DYNC2H1: variants seen among roughly 807,000 people sequenced by gnomAD.
The protein encoded by DYNC2H1 is cytoplasmic dynein 2 heavy chain 1.
In DYNC2H1, 410 loss-of-function variants were observed where a neutral mutation model predicts 570.0. That is an observed-to-expected ratio of 0.72 (90% CI 0.66 to 0.78). DYNC2H1 has a LOEUF of 0.78. DYNC2H1 is among the 30% of genes least tolerant of loss of function. The pLI is 0.00. For missense variants in DYNC2H1, 4,865 were observed against 5,046.4 expected (o/e 0.96, Z 1.09); for synonymous variants, 1,688 against 1,677.6 (o/e 1.01, Z -0.15).
chr11:103,286,614 C>T (rs182996525), intron 74 of DYNC2H1, among the ~76,000 whole-genome samples: 7 of 151,882 alleles, frequency 4.6e-5, no homozygotes, highest in Admixed American at 2.6e-4. Flanking sequence ...GTCTCAGACC[C>T]GAGGGGGATT....
In DYNC2H1 at chr11:103,199,551, C is replaced by T. The variant is rs951941382; in HGVS notation, c.8088+75C>T. On this transcript the variant is annotated intron_variant, in intron 49 of 88. Transcript: ENST00000375735. The surrounding 1 kb of genome is among the most constrained non-coding windows in gnomAD (Gnocchi z 4.6). ...TATTACTCTAAACATCTTTAAAGAC[C>T]TAAAGGTTTAAAGAACTAAAGTTTT... 14 of 1,338,112 alleles carry T rather than the reference C, an allele frequency of 1.0e-5. No homozygotes were observed. The highest frequency in any genetic ancestry group is 1.4e-5 in the Non-Finnish European group (14 of 1,028,486). 82.9% of individuals were successfully genotyped at this position (1,338,112 alleles called of 1,614,324 possible).
Position 103,465,272 on chromosome 11 carries a change from A to T in DYNC2H1, c.12649-3317A>T, listed in dbSNP as rs971305590. ...AAATCCAGTTAAATGTTACTTAAAG[A>T]TATACATTTCAGTCGTGATCACGCA... On this transcript the variant is annotated intron_variant, in intron 87 of 88. Transcript: ENST00000375735. The surrounding 1 kb of genome is among the most constrained non-coding windows in gnomAD (Gnocchi z 4.9). Among the ~76,000 whole-genome samples, 1 of 152,200 alleles carries T rather than the reference A, an allele frequency of 6.6e-6. No homozygotes were observed. Among genetic ancestry groups the T allele is most frequent in the Non-Finnish European group, 1.5e-5 (1 of 68,034 alleles).
chr11:103,137,340 T>G (rs1314771024), intron 17 of DYNC2H1, among the ~76,000 whole-genome samples: 1 of 150,654 alleles, frequency 6.6e-6, no homozygotes, highest in South Asian at 2.1e-4. Context: ...GGTTTTCTTC[T>G]AGGGTTTTTA....
chr11:103,352,056 C>A (rs1464831291), intron 82 of DYNC2H1, among the ~76,000 whole-genome samples: 1 of 151,966 alleles, frequency 6.6e-6, no homozygotes, highest in Non-Finnish European at 1.5e-5. Flanking sequence ...AATCTCATGG[C>A]ATCTTTTAGT....
chr11:103,182,236 T>A (rs1268782851), intron 40 of DYNC2H1, among the ~76,000 whole-genome samples: 1 of 150,504 alleles, frequency 6.6e-6, no homozygotes, highest in Non-Finnish European at 1.5e-5. Flanking sequence ...ATGACATATG[T>A]ATATATAATA....
chr11:103,132,720 G>T (rs1264386479), intron 13 of DYNC2H1, among the ~76,000 whole-genome samples: 2 of 151,710 alleles, frequency 1.3e-5, no homozygotes, highest in Non-Finnish European at 2.9e-5. Flanking sequence ...TGGAGCATTT[G>T]TACACTGATT....
At chr11:103,466,619 G>A (rs566227134) in intron 87 of DYNC2H1, among the ~76,000 whole-genome samples, 198 of 152,274 alleles carry the variant, frequency 1.3e-3, no homozygotes, top group African/African-American at 4.5e-3. Context: ...AGGCAACTTA[G>A]ATGAAGAGGA....
At chr11:103,361,809 G>A (rs1414854045) in intron 83 of DYNC2H1, among the ~76,000 whole-genome samples, 1 of 152,168 alleles carries the variant, frequency 6.6e-6, no homozygotes, top group Non-Finnish European at 1.5e-5. Flanking sequence ...AAAAAGAACT[G>A]AAGACTGTGT....
chr11:103,247,776 A>T (rs1298622121), intron 65 of DYNC2H1, among the ~76,000 whole-genome samples: 2 of 152,028 alleles, frequency 1.3e-5, no homozygotes, highest in Non-Finnish European at 2.9e-5. Flanking sequence ...AAGTGAGCTC[A>T]TTGTACAGAA....
intron 75 of DYNC2H1, among the ~76,000 whole-genome samples, chr11:103,293,008 A>G (rs1260616442): frequency 6.6e-6 from 1 of 152,224 alleles, no homozygotes; most frequent in Non-Finnish European, 1.5e-5. Flanking sequence ...ATTTGTCTGT[A>G]TACTTACTTT....
In DYNC2H1 at chr11:103,177,208, G is replaced by T. The variant is rs190700870; in HGVS notation, c.5875-348G>T. On this transcript the variant is annotated intron_variant, in intron 37 of 88. Transcript: ENST00000375735. The surrounding 1 kb of genome is among the most constrained non-coding windows in gnomAD (Gnocchi z 4.4). ...ACTTTGCCCTCAGTTTTGGAGAGAA[G>T]TAAGATAAGAATGAATGAATGAATG... Among the ~76,000 whole-genome samples the T allele has an allele frequency of 1.3e-5, 2 of 152,064 alleles. No individual in the cohort carries two copies. The highest frequency in any genetic ancestry group is 2.9e-5 in the Non-Finnish European group (2 of 67,998).
At position 103,185,051 on chromosome 11, in the gene DYNC2H1, G is replaced by A; in HGVS notation, c.6633G>A (p.Glu2211=). ...NMKSRLEFTK[E]VFHWARESPP... is the part of the protein sequence containing the mutation. ...AGTCACGTTTGGAATTTACCAAAGAGGTAATGCATATTTATAGCCTATATT... is the reference window on the plus strand; with the variant it reads ...AGTCACGTTTGGAATTTACCAAAGAAGTAATGCATATTTATAGCCTATATT... The change falls in exon 41 of 89, where the codon GAG becomes GAA. Residue 2211 remains glutamate (E), a splice_region_variant and synonymous_variant. Transcript: ENST00000375735. The surrounding 1 kb of genome is among the most constrained non-coding windows in gnomAD (Gnocchi z 4.5). 3 of 1,607,998 alleles carry A rather than the reference G, an allele frequency of 1.9e-6. No homozygotes were observed. The highest frequency in any genetic ancestry group is 2.6e-6 in the Non-Finnish European group (3 of 1,176,272).
At chr11:103,466,857 A>G (rs542329222) in intron 87 of DYNC2H1, among the ~76,000 whole-genome samples, 2 of 152,336 alleles carry the variant, frequency 1.3e-5, no homozygotes, top group African/African-American at 4.8e-5. Flanking sequence ...TGTCAATATT[A>G]GGTAAAATTG....
chr11:103,236,754 A>AT (rs1302971920), intron 63 of DYNC2H1, among the ~76,000 whole-genome samples: 1 of 151,940 alleles, frequency 6.6e-6, no homozygotes, highest in African/African-American at 2.4e-5. Context: ...ATAAAGTGGC[A>AT]TTCTTTTGAT....
intron 21 of DYNC2H1, 35 bp downstream of exon 21, chr11:103,152,320 CT>C: frequency 6.5e-7 from 1 of 1,532,942 alleles, no homozygotes. Flanking sequence ...AAAATGGGAA[CT>C]TTTTTCTTAC....
At position 103,305,921 on chromosome 11, in the gene DYNC2H1, G is replaced by GT. The variant is rs11371822; in HGVS notation, c.11382+1209dup. Among the ~76,000 whole-genome samples, 308 of 151,842 alleles carry GT rather than the reference G, an allele frequency of 2.0e-3. 1 individual carries two copies. The highest frequency in any genetic ancestry group is 6.5e-3 in the African/African-American group (269 of 41,410). On this transcript the variant is annotated intron_variant, in intron 77 of 88. Transcript: ENST00000375735. This position sits in a 1 kb window ranked among gnomAD's most constrained non-coding sequence, Gnocchi z 4.3. ...ATAAATCATATATGTTTTGTTTTGG[G>GT]TTTTTTTTGAGACAGAATCTTGCTC...
intron 59 of DYNC2H1, among the ~76,000 whole-genome samples, chr11:103,227,727 T>C (rs1863854425): frequency 6.6e-6 from 1 of 152,202 alleles, no homozygotes; most frequent in Non-Finnish European, 1.5e-5. Flanking sequence ...TTAAGTCCAT[T>C]ATTTCTTTGT....
At chr11:103,312,380 C>CA (rs775259300) in intron 79 of DYNC2H1, among the ~76,000 whole-genome samples, 2,301 of 48,014 alleles carry the variant, frequency 0.048, 188 homozygotes, top group African/African-American at 0.16. Flanking sequence ...AACTCCATCT[C>CA]AAAAAAAAAA....
Position 103,168,859 on chromosome 11 carries a change from G to C in DYNC2H1, c.4867G>C (p.Asp1623His). The change falls in exon 32 of 89, where the codon GAC (aspartate) becomes CAC (histidine). Residue 1623 changes from aspartate (D) to histidine (H), a missense_variant. Asp to His is a moderately conservative substitution (Grantham distance 81). Transcript: ENST00000375735. ...LNQIQVHTTE[D>H]WAWKKQLRFY... ...CCAAATTCAGGTTCATACAACTGAAGACTGGGCTTGGAAAAAACAACTTAG... is the reference window on the plus strand; with the variant it reads ...CCAAATTCAGGTTCATACAACTGAACACTGGGCTTGGAAAAAACAACTTAG... 1 of 1,613,248 alleles carries C rather than the reference G, an allele frequency of 6.2e-7. No homozygotes were observed. The highest frequency in any genetic ancestry group is 8.5e-7 in the Non-Finnish European group (1 of 1,179,510).
Sources: allele counts gnomAD v4.1 joint callset (sites outside exome capture counted in the v4.1 genomes callset), GRCh38; gene constraint gnomAD v4.1.1; non-coding constraint Gnocchi (gnomAD v3.1); transcripts MANE v1.5; gene names NCBI Gene and HGNC (gene_info 2026-07-23, HGNC 2026-07-21).